KLHL2: variants seen among roughly 807,000 people sequenced by gnomAD.
KLHL2 encodes kelch like family member 2.
KLHL2 carries 15 observed loss-of-function variants against 75.8 expected under a neutral mutation model. The ratio of observed to expected loss-of-function variants is 0.20; its 90% CI spans 0.13 to 0.30. The LOEUF is 0.30. Among genes scored for constraint, KLHL2 ranks in the 10% least tolerant of loss-of-function variants. The pLI, the probability that KLHL2 is intolerant of heterozygous loss-of-function variation, is 1.00. For synonymous variants in KLHL2, 214 were observed against 251.9 expected (o/e 0.85, Z 1.42); for missense variants, 381 against 741.0 (o/e 0.51, Z 5.64).
chr4:165,229,650 A>C (rs1396822963), intron 3 of KLHL2, among the ~76,000 whole-genome samples: 1 of 152,244 alleles, frequency 6.6e-6, no homozygotes, highest in Admixed American at 6.5e-5. Context: ...CAAGGCATAC[A>C]AAAACAATGT....
At chr4:165,252,351 T>A (rs1319720700) in intron 4 of KLHL2, among the ~76,000 whole-genome samples, 5 of 151,858 alleles carry the variant, frequency 3.3e-5, no homozygotes, top group Non-Finnish European at 7.4e-5. Flanking sequence ...GTGGTCACAG[T>A]CTAGAGTTGT....
chr4:165,288,797 G>A (rs991961356), intron 5 of KLHL2, among the ~76,000 whole-genome samples: 8 of 149,682 alleles, frequency 5.3e-5, no homozygotes, highest in Non-Finnish European at 8.9e-5. Context: ...CCAGCAGTAT[G>A]AAATAGCATA....
intron 8 of KLHL2, among the ~76,000 whole-genome samples, chr4:165,302,370 A>G (rs1360673958): frequency 6.6e-6 from 1 of 152,226 alleles, no homozygotes; most frequent in Non-Finnish European, 1.5e-5. Context: ...TTTCATAGTA[A>G]TGATGCCTTT....
chr4:165,311,621 T>A, intron 11 of KLHL2, 56 bp downstream of exon 11: 2 of 1,240,842 alleles, frequency 1.6e-6, no homozygotes, highest in Non-Finnish European at 2.3e-6. Context: ...TGAGAGTGGT[T>A]CTTCCAGTAA....
chr4:165,266,022 C>G (rs1260974053), intron 5 of KLHL2, among the ~76,000 whole-genome samples: 1 of 152,078 alleles, frequency 6.6e-6, no homozygotes, highest in Non-Finnish European at 1.5e-5. Context: ...TCTAACTGGC[C>G]TGAGATGGTA....
chr4:165,296,812 A>G (rs1744947755), intron 6 of KLHL2, among the ~76,000 whole-genome samples: 1 of 152,180 alleles, frequency 6.6e-6, no homozygotes, highest in Non-Finnish European at 1.5e-5. Context: ...ACTTGTTGAC[A>G]GAATGAATTA....
intron 5 of KLHL2, among the ~76,000 whole-genome samples, chr4:165,291,023 GATAGAT>G (rs1248326413): frequency 2.6e-5 from 4 of 152,166 alleles, no homozygotes; most frequent in Non-Finnish European, 4.4e-5. Context: ...TAGCTATTCT[GATAGAT>G]ACGTAAATGG....
At chr4:165,224,568 A>G (rs1274380938) in intron 2 of KLHL2, among the ~76,000 whole-genome samples, 1 of 152,232 alleles carries the variant, frequency 6.6e-6, no homozygotes, top group Non-Finnish European at 1.5e-5. Flanking sequence ...TTTAGGCATC[A>G]TGGGACCTAT....
Position 165,309,481 on chromosome 4 carries a change from A to G in KLHL2, c.1040-1072A>G, listed in dbSNP as rs1418532424. ...GATTCCGTAATATCTCTTTAGCCCA[A>G]GGATCAGCAGACTTTCTCTTGAAGG... On this transcript the variant is annotated intron_variant, in intron 9 of 14. Coordinates refer to ENST00000226725, the MANE Select transcript of KLHL2 (RefSeq NM_007246.4). Among the ~76,000 whole-genome samples the G allele has an allele frequency of 2.6e-5, 4 of 152,210 alleles. No individual in the cohort carries two copies. The East Asian group carries it at 7.7e-4, about 29-fold the overall frequency.
At chr4:165,275,623 A>G (rs1352982032) in intron 5 of KLHL2, among the ~76,000 whole-genome samples, 1 of 152,156 alleles carries the variant, frequency 6.6e-6, no homozygotes, top group African/African-American at 2.4e-5. Context: ...CTTTTTTAAA[A>G]TAGAGACGGG....
chr4:165,257,169 C>T (rs1264019185), intron 4 of KLHL2, among the ~76,000 whole-genome samples: 1 of 152,182 alleles, frequency 6.6e-6, no homozygotes, highest in Non-Finnish European at 1.5e-5. Flanking sequence ...GCAAGCAAGG[C>T]TTATGTGCAG....
At chr4:165,288,757 C>A (rs1240619625) in intron 5 of KLHL2, among the ~76,000 whole-genome samples, 1 of 150,988 alleles carries the variant, frequency 6.6e-6, no homozygotes, top group African/African-American at 2.4e-5. Context: ...AAATTGCTCT[C>A]TGTAAAGATT....
intron 4 of KLHL2, among the ~76,000 whole-genome samples, chr4:165,259,251 C>T (rs1481496444): frequency 6.6e-6 from 1 of 151,972 alleles, no homozygotes. Context: ...TACAGGTGTG[C>T]ACCACCATGC....
At chr4:165,219,759 A>G (rs1405288022) in intron 1 of KLHL2, 175 bp from the exon 2 acceptor site, 3 of 1,331,796 alleles carry the variant, frequency 2.3e-6, no homozygotes, top group Non-Finnish European at 2.9e-6. Flanking sequence ...CATAGTGTCC[A>G]TCAGAAACTG....
chr4:165,227,024 G>A (rs1253257185), intron 2 of KLHL2, among the ~76,000 whole-genome samples: 1 of 152,298 alleles, frequency 6.6e-6, no homozygotes, highest in South Asian at 2.1e-4. Flanking sequence ...TGACACCACT[G>A]ACTTTTCCAC....
At chr4:165,251,487 A>T (rs1176570251) in intron 4 of KLHL2, among the ~76,000 whole-genome samples, 2 of 152,156 alleles carry the variant, frequency 1.3e-5, no homozygotes, top group African/African-American at 2.4e-5. Flanking sequence ...GAATAAAAAA[A>T]GTCTTATTTA....
At chr4:165,270,065 A>G (rs1030460946) in intron 5 of KLHL2, among the ~76,000 whole-genome samples, 1 of 151,964 alleles carries the variant, frequency 6.6e-6, no homozygotes, top group African/African-American at 2.4e-5. Flanking sequence ...TTATTTCATT[A>G]ATTTGATCTT....
chr4:165,277,482 T>C (rs1743216930), intron 5 of KLHL2, among the ~76,000 whole-genome samples: 1 of 152,248 alleles, frequency 6.6e-6, no homozygotes, highest in Non-Finnish European at 1.5e-5. Flanking sequence ...CGTCTTCTAC[T>C]ATGTAGAAAA....
At chr4:165,229,383 A>G (rs558510992) in intron 3 of KLHL2, among the ~76,000 whole-genome samples, 1 of 152,338 alleles carries the variant, frequency 6.6e-6, no homozygotes, top group Non-Finnish European at 1.5e-5. Flanking sequence ...ATATAGAATG[A>G]TTTTAGTACT....
Sources: allele counts gnomAD v4.1 joint callset (sites outside exome capture counted in the v4.1 genomes callset), GRCh38; gene constraint gnomAD v4.1.1; transcripts MANE v1.5; gene names NCBI Gene and HGNC (gene_info 2026-07-23, HGNC 2026-07-21).